The following SNTG1 variants were observed in gnomAD, a reference collection of about 807,000 sequenced individuals.
SNTG1 encodes the protein syntrophin gamma 1, also known as gamma-1-syntrophin.
Under a neutral mutation model 74.7 loss-of-function variants are expected in SNTG1, and 39 were observed. The observed-to-expected ratio is 0.52, with a 90% confidence interval of 0.40 to 0.68. SNTG1 has a LOEUF of 0.68. Ranked by LOEUF, SNTG1 falls within the 30% of genes least tolerant of loss-of-function variation. SNTG1 has a pLI of 0.00. For synonymous variants in SNTG1, 254 were observed against 217.1 expected (o/e 1.17, Z -1.49); for missense variants, 685 against 609.5 (o/e 1.12, Z -1.30).
chr8:50,510,704 G>A (rs998334664), intron 9 of SNTG1, among the ~76,000 whole-genome samples: 3 of 152,300 alleles, frequency 2.0e-5, no homozygotes, highest in African/African-American at 2.4e-5. Context: ...TTTTTGCGTA[G>A]AGGTGTTTAT....
chr8:50,779,229 A>G (rs971348152), intron 18 of SNTG1, among the ~76,000 whole-genome samples: 6 of 152,132 alleles, frequency 3.9e-5, no homozygotes, highest in East Asian at 1.9e-4. Context: ...GTTTTTTCCA[A>G]TTCTGTGAAG....
intron 12 of SNTG1, chr8:50,569,168 GT>G (rs2094532819): frequency 6.6e-6 from 1 of 152,150 alleles, no homozygotes; most frequent in Non-Finnish European, 1.5e-5. Context: ...CACAGAAGTG[GT>G]GGCTGTGAAT....
chr8:50,102,656 A>T (rs2080184903), intron 1 of SNTG1, among the ~76,000 whole-genome samples: 1 of 149,306 alleles, frequency 6.7e-6, no homozygotes, highest in Admixed American at 6.6e-5. Context: ...CTGAATGGTA[A>T]TGCCTAGGTT....
intron 12 of SNTG1, among the ~76,000 whole-genome samples, chr8:50,557,025 C>T (rs2094459534): frequency 6.6e-6 from 1 of 152,164 alleles, no homozygotes; most frequent in African/African-American, 2.4e-5. Context: ...CCATCTCACA[C>T]CACTCAGACA....
chr8:50,434,948 T>C (rs2093285417), intron 4 of SNTG1, among the ~76,000 whole-genome samples: 1 of 152,146 alleles, frequency 6.6e-6, no homozygotes, highest in Non-Finnish European at 1.5e-5. Context: ...CTTTTTTCCA[T>C]ACAAATCTCA....
chr8:49,951,613 TG>T (rs906096682), intron 1 of SNTG1, among the ~76,000 whole-genome samples: 1 of 102,644 alleles, frequency 9.7e-6, no homozygotes, highest in Non-Finnish European at 2.0e-5. Context: ...TGTGGTGGGG[TG>T]GGGGGAGCGG....
At chr8:50,140,912 C>A (rs754357983) in intron 1 of SNTG1, among the ~76,000 whole-genome samples, 6 of 152,102 alleles carry the variant, frequency 3.9e-5, no homozygotes, top group Non-Finnish European at 8.8e-5. Context: ...AGGGAGCAAC[C>A]ATCTAAGCTC....
intron 9 of SNTG1, among the ~76,000 whole-genome samples, chr8:50,506,244 T>G (rs2129795596): frequency 6.6e-6 from 1 of 152,200 alleles, no homozygotes; most frequent in Middle Eastern, 3.4e-3. Flanking sequence ...TTTTTATTAT[T>G]GCAGCTTTGT....
chr8:50,501,538 C>T (rs1227454567), intron 8 of SNTG1, among the ~76,000 whole-genome samples: 6 of 141,932 alleles, frequency 4.2e-5, no homozygotes, highest in Admixed American at 2.2e-4. Flanking sequence ...CAGGTTCAAA[C>T]GATTCTCCTG....
chr8:50,106,353 T>C (rs906360018), intron 1 of SNTG1, among the ~76,000 whole-genome samples: 28 of 152,082 alleles, frequency 1.8e-4, no homozygotes, highest in African/African-American at 6.8e-4. Context: ...CATGATCCAA[T>C]CACTTCCCAC....
intron 8 of SNTG1, among the ~76,000 whole-genome samples, chr8:50,481,198 T>A (rs1434966046): frequency 6.6e-6 from 1 of 152,074 alleles, no homozygotes; most frequent in Non-Finnish European, 1.5e-5. Context: ...CTGGCCAACA[T>A]GGTGAAATCC....
At chr8:50,530,354 T>C in intron 10 of SNTG1, 95 bp downstream of exon 10, 1 of 1,153,602 alleles carries the variant, frequency 8.7e-7, no homozygotes, top group South Asian at 1.3e-5. Flanking sequence ...AGATAGGAAA[T>C]CCCTGGTTGC....
chr8:50,484,149 TTTCC>T (rs1176639085), intron 8 of SNTG1, among the ~76,000 whole-genome samples: 738 of 46,636 alleles, frequency 0.016, 8 homozygotes, highest in African/African-American at 0.02. Flanking sequence ...TCTTTCTTTC[TTTCC>T]TTCCTTCCTT....
At chr8:50,421,937 T>A (rs1321394920) in intron 4 of SNTG1, among the ~76,000 whole-genome samples, 1 of 152,104 alleles carries the variant, frequency 6.6e-6, no homozygotes, top group East Asian at 1.9e-4. Flanking sequence ...CAAGAGAGGT[T>A]ATGGGAGGGA....
Position 50,058,736 on chromosome 8 carries a change from G to T in SNTG1, c.-102-113825G>T, listed in dbSNP as rs1336373324. On this transcript the variant is annotated intron_variant, in intron 1 of 18. Transcript: ENST00000642720. Reference sequence around the variant, plus strand: ...CAGATCCACAATTTTACTTACATTTGTGTGTGTGTGTGTGTGTGTGTGTGT... The same window carrying T: ...CAGATCCACAATTTTACTTACATTTTTGTGTGTGTGTGTGTGTGTGTGTGT... Among the ~76,000 whole-genome samples the T allele has an allele frequency of 2.3e-5, 3 of 132,554 alleles. No individual in the cohort carries two copies. In the East Asian group the frequency reaches 6.4e-4, roughly 28 times the overall value. The allele number at this position is 132,554 out of a possible 152,430, so 87.0% of individuals were successfully genotyped here. A position where few individuals can be genotyped will look rare whatever the true frequency, so the allele number is the denominator to read the frequency against.
intron 2 of SNTG1, among the ~76,000 whole-genome samples, chr8:50,324,862 G>A (rs2090673861): frequency 6.7e-6 from 1 of 149,546 alleles, no homozygotes; most frequent in Non-Finnish European, 1.5e-5. Flanking sequence ...GTTATTCCTA[G>A]AATTTTTGTA....
chr8:50,243,921 G>C (rs2086275969), intron 2 of SNTG1, among the ~76,000 whole-genome samples: 1 of 152,130 alleles, frequency 6.6e-6, no homozygotes, highest in Admixed American at 6.5e-5. Context: ...CTGTCATTGA[G>C]CTGGGGTTTT....
chr8:50,277,998 A>T (rs1441801356), intron 2 of SNTG1, among the ~76,000 whole-genome samples: 1 of 152,024 alleles, frequency 6.6e-6, no homozygotes, highest in East Asian at 1.9e-4. Flanking sequence ...ACATGGTGAA[A>T]CCCAGCTGTA....
At chr8:50,524,164 T>C (rs1320111889) in intron 9 of SNTG1, among the ~76,000 whole-genome samples, 1 of 152,100 alleles carries the variant, frequency 6.6e-6, no homozygotes, top group East Asian at 1.9e-4. Context: ...CTAATAGGTA[T>C]TGCATAGAAC....
Sources: gnomAD v4.1 joint callset for allele counts (sites outside exome capture counted in the v4.1 genomes callset) on GRCh38, gnomAD v4.1.1 for gene constraint, MANE v1.5 for transcripts, NCBI Gene and HGNC (gene_info 2026-07-23, HGNC 2026-07-21) for gene names.